The following SLIT3 variants were observed in gnomAD, a reference collection of about 807,000 sequenced individuals.
SLIT3 encodes the protein slit guidance ligand 3.
Under a neutral mutation model 184.0 loss-of-function variants are expected in SLIT3, and 68 were observed. The ratio of observed to expected loss-of-function variants is 0.37; its 90% confidence interval spans 0.30 to 0.45. The LOEUF (loss-of-function observed/expected upper bound fraction) is 0.45. SLIT3 is among the 20% of genes least tolerant of loss of function. The pLI is 1.00. For missense variants in SLIT3, 1,707 were observed against 2,026.0 expected, an observed-to-expected ratio of 0.84 and a Z score of 3.02; for synonymous variants, 831 against 828.6, an observed-to-expected ratio of 1.00 and a Z score of -0.05.
chr5:168,847,750 C>T (rs1758524008), intron 5 of SLIT3, among the ~76,000 whole-genome samples: 2 of 152,294 alleles, frequency 1.3e-5, no homozygotes, highest in Admixed American at 6.5e-5. Flanking sequence ...CGTTACTAAA[C>T]ACACAGAGAA....
chr5:168,761,806 A>T (rs1755159216), intron 15 of SLIT3, among the ~76,000 whole-genome samples: 1 of 151,996 alleles, frequency 6.6e-6, no homozygotes, highest in African/African-American at 2.4e-5. Flanking sequence ...TGGTATGATC[A>T]TAGCTCACTG....
intron 3 of SLIT3, among the ~76,000 whole-genome samples, chr5:169,207,991 A>G (rs1764130708): frequency 6.6e-6 from 1 of 152,186 alleles, no homozygotes; most frequent in Non-Finnish European, 1.5e-5. Context: ...CTATTTTGTT[A>G]TAGCAGCTGG....
intron 20 of SLIT3, among the ~76,000 whole-genome samples, chr5:168,727,085 T>C (rs1763156429): frequency 6.7e-6 from 1 of 150,278 alleles, no homozygotes; most frequent in Non-Finnish European, 1.5e-5. Context: ...TTTGGAAGGC[T>C]GAGGCAAGTG....
chr5:168,826,772 CT>C (rs1757720296), intron 6 of SLIT3, among the ~76,000 whole-genome samples: 1 of 152,088 alleles, frequency 6.6e-6, no homozygotes, highest in African/African-American at 2.4e-5. Flanking sequence ...CGTTTCTTTT[CT>C]TTTTCTGAGA....
At chr5:169,211,532 C>G (rs928274699) in intron 3 of SLIT3, among the ~76,000 whole-genome samples, 7 of 152,182 alleles carry the variant, frequency 4.6e-5, no homozygotes, top group African/African-American at 1.7e-4. Context: ...TACTCTCTCA[C>G]TCTACTCCAG....
At chr5:169,247,669 T>A (rs1168424237) in intron 2 of SLIT3, among the ~76,000 whole-genome samples, 1 of 152,184 alleles carries the variant, frequency 6.6e-6, no homozygotes, top group East Asian at 1.9e-4. Context: ...AAGAAGTTTT[T>A]TTTTTCCCTC....
intron 4 of SLIT3, among the ~76,000 whole-genome samples, chr5:168,935,288 GATTC>G (rs1156712650): frequency 6.6e-6 from 1 of 152,140 alleles, no homozygotes; most frequent in African/African-American, 2.4e-5. Flanking sequence ...GTGAAGTTGG[GATTC>G]ATTTTCTCTC....
chr5:168,988,331 T>G (rs1275720694), intron 4 of SLIT3, among the ~76,000 whole-genome samples: 1 of 152,182 alleles, frequency 6.6e-6, no homozygotes, highest in Non-Finnish European at 1.5e-5. Context: ...ATTGTGGACA[T>G]GCAATTTCCC....
At chr5:169,237,749 T>C (rs984273321) in intron 3 of SLIT3, among the ~76,000 whole-genome samples, 2 of 152,298 alleles carry the variant, frequency 1.3e-5, no homozygotes, top group Admixed American at 6.5e-5. Flanking sequence ...TTCTTTCCTT[T>C]ATAGGGGGAG....
chr5:168,681,582 G>A (rs1472578557), intron 32 of SLIT3, among the ~76,000 whole-genome samples: 1 of 152,202 alleles, frequency 6.6e-6, no homozygotes, highest in African/African-American at 2.4e-5. Flanking sequence ...ACAGAGCCTG[G>A]TGTCTCTCCA....
intron 3 of SLIT3, among the ~76,000 whole-genome samples, chr5:169,207,370 T>C (rs867139912): frequency 1.4e-3 from 184 of 131,930 alleles, no homozygotes; most frequent in Middle Eastern, 3.8e-3. Flanking sequence ...TACACATACA[T>C]ACACACACAC....
chr5:168,671,240 G>A lies in SLIT3; in HGVS notation c.4085C>T (p.Pro1362Leu), dbSNP rs1761230056. ...GTCCCGGGCCTCCTGATCGCAGAGT[G>A]GGCCGGTCCAGCCTGGGCGGCACTC... ...VCECRPGWTG[P>L]LCDQEARDPC... Residue 1362 changes from proline (P) to leucine (L), a missense_variant, in exon 34 of 36, where the codon CCA becomes CTA. By Grantham distance (98) the Pro-to-Leu change is moderately conservative. Transcript: ENST00000519560. The A allele has an allele frequency of 6.2e-7, 1 of 1,612,322 alleles. No homozygotes were observed. Among genetic ancestry groups the A allele is most frequent in the African/African-American group, 1.3e-5 (1 of 74,916 alleles).
chr5:168,763,367 C>G (rs1479970256), intron 14 of SLIT3, among the ~76,000 whole-genome samples: 1 of 152,000 alleles, frequency 6.6e-6, no homozygotes, highest in Non-Finnish European at 1.5e-5. Flanking sequence ...CCTGATGTTG[C>G]TTTTTTGTTG....
chr5:168,920,954 C>T (rs924418434), intron 4 of SLIT3, among the ~76,000 whole-genome samples: 6 of 152,320 alleles, frequency 3.9e-5, no homozygotes, highest in Admixed American at 2.6e-4. Context: ...TAACTGCTTG[C>T]AGCCTTACTA....
Position 168,748,320 on chromosome 5 carries a change from G to A in SLIT3, c.2252C>T (p.Pro751Leu). ...TACTTACAGCTCGGTCACATCCTTGGGCATGCCTCTGGGGAGGGCGCGGAG... is the reference window on the plus strand; with the variant it reads ...TACTTACAGCTCGGTCACATCCTTGAGCATGCCTCTGGGGAGGGCGCGGAG... ...KGLRALPRGM[P>L]KDVTELYLEG... Residue 751 changes from proline to leucine, a missense_variant, in exon 20 of 36, where the codon CCC becomes CTC. By Grantham distance (98) the Pro-to-Leu change is moderately conservative. Coordinates refer to ENST00000519560, the MANE Select transcript of SLIT3 (RefSeq NM_003062.4). 1 of 1,483,654 alleles carries A rather than the reference G, an allele frequency of 6.7e-7. No individual in the cohort carries two copies. Among genetic ancestry groups the A allele is most frequent in the South Asian group, 1.4e-5 (1 of 71,902 alleles). 91.9% of individuals were successfully genotyped at this position (1,483,654 alleles called of 1,614,324 possible). A position where few individuals can be genotyped will look rare whatever the true frequency, so the allele number is the denominator to read the frequency against.
chr5:168,678,475 A>C (rs980749900), intron 32 of SLIT3, among the ~76,000 whole-genome samples: 4 of 152,280 alleles, frequency 2.6e-5, no homozygotes, highest in Admixed American at 2.6e-4. Flanking sequence ...CAAGGTCAGG[A>C]GTTCGAGACC....
chr5:168,967,149 G>A (rs989183392), intron 4 of SLIT3, among the ~76,000 whole-genome samples: 35 of 152,088 alleles, frequency 2.3e-4, no homozygotes, highest in South Asian at 2.1e-3. Flanking sequence ...TTGGAAAAAT[G>A]CTCTGTATAT....
In SLIT3 at chr5:168,687,068, A is replaced by G. The variant is rs1322671074; in HGVS notation, c.3225T>C (p.Asn1075=). 1 of 1,614,204 alleles carries G rather than the reference A, an allele frequency of 6.2e-7. No individual in the cohort carries two copies. The highest frequency in any genetic ancestry group is 8.5e-7 in the Non-Finnish European group (1 of 1,180,026). The change falls in exon 30 of 36, where the codon AAT becomes AAC. Residue 1075 remains asparagine, a synonymous_variant. Transcript: ENST00000519560. ...GGCACTTGTGGGCCACACAGTCATC[A>G]TTGTCTGTCTCACAGAGCTTCCCGC... The part of the protein sequence containing the change: ...GYSGKLCETD[N]DDCVAHKCRH...
intron 20 of SLIT3, among the ~76,000 whole-genome samples, chr5:168,738,311 T>C (rs1763502058): frequency 6.6e-6 from 1 of 152,118 alleles, no homozygotes; most frequent in African/African-American, 2.4e-5. Context: ...GGTCACTGTA[T>C]TCTTCACCTC....
Sources: allele counts gnomAD v4.1 joint callset (sites outside exome capture counted in the v4.1 genomes callset), GRCh38; gene constraint gnomAD v4.1.1; transcripts MANE v1.5; gene names NCBI Gene and HGNC (gene_info 2026-07-23, HGNC 2026-07-21).